The following KIF21A variants were observed in gnomAD, a reference collection of about 807,000 sequenced individuals.
KIF21A encodes kinesin-like protein KIF21A.
KIF21A carries 114 observed loss-of-function variants against 202.9 expected under a neutral mutation model. The observed-to-expected ratio is 0.56, with a 90% confidence interval of 0.48 to 0.66. The LOEUF (loss-of-function observed/expected upper bound fraction) is 0.66, where lower values mean the gene tolerates loss of function less well. Among genes scored for constraint, KIF21A ranks in the 30% least tolerant of loss-of-function variants. The pLI, the probability that KIF21A is intolerant of heterozygous loss-of-function variation, is 0.00. For synonymous variants in KIF21A, 667 were observed against 670.8 expected (o/e 0.99, Z 0.09); for missense variants, 1,677 against 1,994.9 (o/e 0.84, Z 3.04).
At chr12:39,408,724 A>G (rs1194863309) in intron 1 of KIF21A, among the ~76,000 whole-genome samples, 3 of 152,178 alleles carry the variant, frequency 2.0e-5, no homozygotes, top group Non-Finnish European at 4.4e-5. Flanking sequence ...CATAAGGGAG[A>G]AGTGGGATGC....
intron 1 of KIF21A, among the ~76,000 whole-genome samples, chr12:39,425,541 T>C (rs1954675225): frequency 6.6e-6 from 1 of 152,060 alleles, no homozygotes; most frequent in Non-Finnish European, 1.5e-5. Context: ...CACAATGAAT[T>C]GGAGGAGGAA....
chr12:39,307,154 C>T (rs904373890), intron 34 of KIF21A, among the ~76,000 whole-genome samples: 7 of 151,578 alleles, frequency 4.6e-5, no homozygotes, highest in Admixed American at 3.9e-4. Context: ...GGACTTTATG[C>T]CCAAAGTTGT....
chr12:39,363,385 A>ACCG (rs1341306717), intron 6 of KIF21A, among the ~76,000 whole-genome samples, 172 bp from the exon 7 acceptor site: 1 of 152,058 alleles, frequency 6.6e-6, no homozygotes, highest in East Asian at 1.9e-4. Context: ...TAGTACATAT[A>ACCG]TATTAGTACT....
chr12:39,316,985 A>G (rs1944618856), intron 29 of KIF21A, among the ~76,000 whole-genome samples: 1 of 152,218 alleles, frequency 6.6e-6, no homozygotes, highest in South Asian at 2.1e-4. Context: ...TCGTATACCT[A>G]GTGAAACTTG....
rs1415591861 is a variant in KIF21A, at chr12:39,315,362, C to A, written c.3948-122G>T. On this transcript the variant is annotated intron_variant, in intron 30 of 37. Coordinates refer to ENST00000361418, the MANE Select transcript of KIF21A (RefSeq NM_001173464.2). Reference sequence around the variant, plus strand: ...GAAAGAGAAAGAGAAGTTAAGGACCCCCAGAAAAATCCATAAAATGAAAAA... The same window carrying A: ...GAAAGAGAAAGAGAAGTTAAGGACCACCAGAAAAATCCATAAAATGAAAAA... 17 of 818,420 alleles carry A rather than the reference C, an allele frequency of 2.1e-5. 1 individual carries two copies. Among genetic ancestry groups the A allele is most frequent in the Non-Finnish European group, 3.0e-5 (15 of 494,930 alleles). The allele number at this position is 818,420 out of a possible 1,614,324, so 50.7% of individuals were successfully genotyped here. A position where few individuals can be genotyped will look rare whatever the true frequency, so the allele number is the denominator to read the frequency against.
chr12:39,401,625 G>A (rs1419411558), intron 1 of KIF21A, among the ~76,000 whole-genome samples: 3 of 152,176 alleles, frequency 2.0e-5, no homozygotes, highest in Non-Finnish European at 4.4e-5. Context: ...ACTTGAGAGT[G>A]CATGGGAGGA....
intron 1 of KIF21A, among the ~76,000 whole-genome samples, chr12:39,414,725 A>C (rs569290230): frequency 1.3e-5 from 2 of 152,198 alleles, no homozygotes; most frequent in Non-Finnish European, 2.9e-5. Context: ...GTCAGCAGGT[A>C]TAAGAGACCC....
At chr12:39,414,682 A>G (rs1173992450) in intron 1 of KIF21A, among the ~76,000 whole-genome samples, 1 of 152,194 alleles carries the variant, frequency 6.6e-6, no homozygotes, top group Non-Finnish European at 1.5e-5. Context: ...AGTGAAGTCT[A>G]AGCAGATATG....
At chr12:39,424,705 G>A (rs562599308) in intron 1 of KIF21A, among the ~76,000 whole-genome samples, 2 of 151,894 alleles carry the variant, frequency 1.3e-5, no homozygotes, top group South Asian at 2.1e-4. Flanking sequence ...CCAAATCTAC[G>A]TTTCACCATT....
chr12:39,408,778 G>A (rs919007182), intron 1 of KIF21A, among the ~76,000 whole-genome samples: 1 of 151,490 alleles, frequency 6.6e-6, no homozygotes, highest in Non-Finnish European at 1.5e-5. Context: ...CAGAACAAGA[G>A]AATGTGGCAG....
Position 39,325,988 on chromosome 12 carries a change from T to C in KIF21A, c.3402-95A>G, listed in dbSNP as rs936615935. ...TATCAACGACTACAAAAAATTTATATGCCTATGGGAAATACAGAAAGACAA... is the reference window on the plus strand; with the variant it reads ...TATCAACGACTACAAAAAATTTATACGCCTATGGGAAATACAGAAAGACAA... On this transcript the variant is annotated intron_variant, in intron 25 of 37. Coordinates refer to ENST00000361418, the MANE Select transcript of KIF21A (RefSeq NM_001173464.2). The C allele has an allele frequency of 4.6e-6, 4 of 873,878 alleles. No individual in the cohort carries two copies. The Admixed American group carries it at 8.2e-5, about 18-fold the overall frequency. 54.1% of individuals were successfully genotyped at this position (873,878 alleles called of 1,614,324 possible).
At chr12:39,392,015 G>C (rs1951398421) in intron 1 of KIF21A, among the ~76,000 whole-genome samples, 1 of 152,032 alleles carries the variant, frequency 6.6e-6, no homozygotes, top group African/African-American at 2.4e-5. Flanking sequence ...TGGGATTACA[G>C]GAATGAGCCA....
At chr12:39,359,986 T>C (rs1248679909) in intron 7 of KIF21A, among the ~76,000 whole-genome samples, 1 of 152,080 alleles carries the variant, frequency 6.6e-6, no homozygotes, top group Non-Finnish European at 1.5e-5. Flanking sequence ...ATGCACAATA[T>C]TAACTCACCA....
At chr12:39,348,354 C>T (rs543817777) in intron 11 of KIF21A, among the ~76,000 whole-genome samples, 48 of 152,062 alleles carry the variant, frequency 3.2e-4, no homozygotes, top group Non-Finnish European at 5.9e-4. Context: ...TTGTTATTTT[C>T]TTACTATCTA....
chr12:39,416,057 A>C (rs1953553864), intron 1 of KIF21A, among the ~76,000 whole-genome samples: 1 of 152,180 alleles, frequency 6.6e-6, no homozygotes, highest in African/African-American at 2.4e-5. Context: ...ATAGTGATAT[A>C]AGGCATGGCC....
chr12:39,386,253 CT>C (rs1950940442), intron 1 of KIF21A, among the ~76,000 whole-genome samples: 1 of 151,854 alleles, frequency 6.6e-6, no homozygotes, highest in African/African-American at 2.4e-5. Context: ...TTTTTTTCTT[CT>C]TTTTCACTGG....
chr12:39,304,998 G>A, intron 34 of KIF21A, 60 bp from the exon 35 acceptor site: 1 of 802,894 alleles, frequency 1.2e-6, no homozygotes, highest in Non-Finnish European at 2.2e-6. Flanking sequence ...ATGGGACTAA[G>A]CCTCAACATA....
intron 1 of KIF21A, among the ~76,000 whole-genome samples, chr12:39,376,877 T>G (rs1204066744): frequency 6.6e-6 from 1 of 152,186 alleles, no homozygotes; most frequent in Non-Finnish European, 1.5e-5. Flanking sequence ...GTCAAGTTAT[T>G]TCTCCCTACA....
intron 28 of KIF21A, among the ~76,000 whole-genome samples, chr12:39,319,429 T>C (rs555578516): frequency 3.8e-4 from 58 of 152,276 alleles, no homozygotes; most frequent in African/African-American, 1.4e-3. Flanking sequence ...ATACCAACAA[T>C]GTAAACATGA....
Sources: gnomAD v4.1 joint callset for allele counts (sites outside exome capture counted in the v4.1 genomes callset) on GRCh38, gnomAD v4.1.1 for gene constraint, MANE v1.5 for transcripts, NCBI Gene and HGNC (gene_info 2026-07-23, HGNC 2026-07-21) for gene names.